The following ADCY5 variants were observed in gnomAD, a reference collection of about 807,000 sequenced individuals.
The protein encoded by ADCY5 is adenylate cyclase type 5.
In ADCY5, 30 loss-of-function variants were observed where a neutral mutation model predicts 119.7. The ratio of observed to expected loss-of-function variants is 0.25; its 90% CI spans 0.19 to 0.34. The LOEUF is 0.34. Among genes scored for constraint, ADCY5 ranks in the 10% least tolerant of loss-of-function variants. The pLI is 1.00. For missense variants in ADCY5, 1,324 were observed against 1,775.2 expected (o/e 0.75, Z 4.57); for synonymous variants, 753 against 762.2 (o/e 0.99, Z 0.20).
chr3:123,436,337 T>C (rs1197988804), intron 1 of ADCY5, among the ~76,000 whole-genome samples: 4 of 151,408 alleles, frequency 2.6e-5, no homozygotes, highest in Non-Finnish European at 5.9e-5. Context: ...CATACCACTG[T>C]ACTCTAGCCT....
In ADCY5 at chr3:123,285,779, CCTT is replaced by C. The variant is rs1453172368; in HGVS notation, c.3657+903_3657+905del. ...CCTATCTCTAGGCCCATCCTGCTGT[CCTT>C]CTCTCCTTTGCACAGGGATGGAGGT... is the stretch of plus-strand genomic sequence containing the variant. On this transcript the variant is annotated intron_variant, in intron 20 of 20. Transcript: ENST00000462833. Among the ~76,000 whole-genome samples the C allele has an allele frequency of 7.9e-5, 12 of 152,318 alleles. No homozygotes were observed. The South Asian group carries it at 2.3e-3, about 29-fold the overall frequency.
intron 1 of ADCY5, among the ~76,000 whole-genome samples, chr3:123,380,276 G>C (rs1397837276): frequency 6.6e-6 from 1 of 152,210 alleles, no homozygotes; most frequent in Non-Finnish European, 1.5e-5. Flanking sequence ...ACAGGCTTGA[G>C]TAGGGGAAAG....
rs1401792419 is a variant in ADCY5, at chr3:123,447,479, A to T, written c.1067T>A (p.Leu356His). 4 of 1,611,364 alleles carry T rather than the reference A, an allele frequency of 2.5e-6. No individual in the cohort carries two copies. The Admixed American group carries it at 5.0e-5, about 20-fold the overall frequency. The change falls in exon 1 of 21, where the codon CTC becomes CAC. Residue 356 changes from leucine to histidine, a missense_variant. Leu to His is a moderately conservative substitution (Grantham distance 99). This residue lies in a region of ADCY5 where 585 missense variants were observed against 569.9 expected (regional missense o/e 1.03). Transcript: ENST00000462833. ...GATGGCCAGGTGGAGGGCGGACAGG[A>T]GCACCCCGCTGAGCACTGCGGCCCG... ...RMRAAVLSGVLLSALHLAIAL... is the reference protein window; with the variant it reads ...RMRAAVLSGVHLSALHLAIAL...
At position 123,346,685 on chromosome 3, in the gene ADCY5, A is replaced by T. The variant is rs187581669; in HGVS notation, c.1406+1097T>A. ...TGTGTGAGAGAGAGAGATAATTTGC[A>T]CTATTTCACTTAATCACTTTCTTGA... is the stretch of plus-strand genomic sequence containing the variant. On this transcript the variant is annotated intron_variant, in intron 3 of 20. Transcript: ENST00000462833. Among the ~76,000 whole-genome samples, 61 of 145,750 alleles carry T rather than the reference A, an allele frequency of 4.2e-4. 1 individual carries two copies. The highest frequency in any genetic ancestry group is 3.1e-5 in the Non-Finnish European group (2 of 65,260).
At chr3:123,330,741 C>T in intron 5 of ADCY5, 148 bp downstream of exon 5, 1 of 1,089,036 alleles carries the variant, frequency 9.2e-7, no homozygotes, top group Non-Finnish European at 1.3e-6. Flanking sequence ...TGGCACACGC[C>T]AACCCTCAGC....
chr3:123,304,133 C>T lies in ADCY5; in HGVS notation c.2493G>A (p.Lys831=). Reference sequence around the variant, plus strand: ...ACACCCCAACCAGGGTGCTGTTCATCTTGGACCGCACGATCTTCCTGGAGA... The same window carrying T: ...ACACCCCAACCAGGGTGCTGTTCATTTTGGACCGCACGATCTTCCTGGAGA... ...QTLSRKIVRS[K]MNSTLVGVFT... is the part of the protein sequence containing the mutation. The change falls in exon 13 of 21, where the codon AAG becomes AAA. Residue 831 remains lysine (K), a synonymous_variant. Coordinates refer to ENST00000462833, the MANE Select transcript of ADCY5 (RefSeq NM_183357.3). The T allele has an allele frequency of 7.0e-7, 1 of 1,420,346 alleles. No homozygotes were observed. Among genetic ancestry groups the T allele is most frequent in the Non-Finnish European group, 9.4e-7 (1 of 1,058,896 alleles). 88.0% of individuals were successfully genotyped at this position (1,420,346 alleles called of 1,614,324 possible). A position where few individuals can be genotyped will look rare whatever the true frequency, so the allele number is the denominator to read the frequency against.
intron 1 of ADCY5, chr3:123,419,177 C>T: frequency 1.0e-6 from 1 of 985,468 alleles, no homozygotes; most frequent in Non-Finnish European, 1.2e-6. Context: ...GCATCCCCTC[C>T]CCTCATCATG....
chr3:123,417,468 A>G (rs576971683), intron 1 of ADCY5, among the ~76,000 whole-genome samples: 2 of 152,236 alleles, frequency 1.3e-5, no homozygotes, highest in East Asian at 1.9e-4. Flanking sequence ...TGCCCCCAGA[A>G]CTCTGTAACT....
intron 1 of ADCY5, chr3:123,368,116 G>T: frequency 7.7e-7 from 1 of 1,296,208 alleles, no homozygotes; most frequent in Non-Finnish European, 1.0e-6. Context: ...CCAGGGGCCA[G>T]TCTTGTGACT....
At chr3:123,398,659 A>G (rs1168636596) in intron 1 of ADCY5, among the ~76,000 whole-genome samples, 1 of 152,084 alleles carries the variant, frequency 6.6e-6, no homozygotes, top group African/African-American at 2.4e-5. Context: ...CTCCAACCTC[A>G]ACCCTAGGTC....
rs1939134759 is a variant in ADCY5, at chr3:123,291,323, C to T, written c.3117G>A (p.Leu1039=). The change falls in exon 18 of 21, where the codon CTG becomes CTA. Residue 1039 remains leucine, a synonymous_variant. Transcript: ENST00000462833. ...CGTCCTTGGGCAGGATGTTGTGCAG[C>T]AGCCGCCGGTTGTAGGCCTGCAGCT... is the stretch of plus-strand genomic sequence containing the variant. ...MEELQAYNRR[L]LHNILPKDVA... 1 of 1,613,796 alleles carries T rather than the reference C, an allele frequency of 6.2e-7. No homozygotes were observed. The highest frequency in any genetic ancestry group is 8.5e-7 in the Non-Finnish European group (1 of 1,180,044).
At chr3:123,314,156 T>C (rs2108316167) in intron 12 of ADCY5, 79 bp downstream of exon 12, 3 of 1,189,922 alleles carry the variant, frequency 2.5e-6, no homozygotes, top group South Asian at 1.4e-5. Context: ...CCTTCACATT[T>C]TGGGCCCCTG....
intron 1 of ADCY5, among the ~76,000 whole-genome samples, chr3:123,407,765 CAAA>C (rs753730627): frequency 1.5e-5 from 1 of 65,844 alleles, no homozygotes; most frequent in Non-Finnish European, 3.0e-5. Flanking sequence ...GACCCTGTCT[CAAA>C]AAAAAAAAAA....
Position 123,327,323 on chromosome 3 carries a change from C to T in ADCY5, c.1947+295G>A, listed in dbSNP as rs1174210309. On this transcript the variant is annotated intron_variant, in intron 7 of 20. Transcript: ENST00000462833. ...AGGAGAGAGATGGAGATAAAATATA[C>T]GGTATCCACAGACTCCCTTGATGCT... 3.3e-5 allele frequency among the ~76,000 whole-genome samples: 5 copies of T among 152,296 alleles called. No homozygotes were observed. The East Asian group carries it at 5.8e-4, about 18-fold the overall frequency.
At chr3:123,300,583 T>C (rs892102221) in intron 14 of ADCY5, among the ~76,000 whole-genome samples, 2 of 152,220 alleles carry the variant, frequency 1.3e-5, no homozygotes, top group Non-Finnish European at 2.9e-5. Flanking sequence ...CTGGGCTTTG[T>C]GTGCCTCGGG....
At chr3:123,420,506 T>A (rs918939375) in intron 1 of ADCY5, among the ~76,000 whole-genome samples, 4 of 151,804 alleles carry the variant, frequency 2.6e-5, no homozygotes, top group Admixed American at 2.6e-4. Flanking sequence ...AGGTGAGGGG[T>A]GAGTGATCTG....
intron 6 of ADCY5, 90 bp from the exon 7 acceptor site, chr3:123,327,849 G>A (rs1941571052): frequency 1.4e-6 from 2 of 1,463,214 alleles, no homozygotes; most frequent in Non-Finnish European, 9.4e-7. Flanking sequence ...CAATTAGTGG[G>A]TTCACCACAA....
At chr3:123,365,780 G>C (rs1393455537) in intron 1 of ADCY5, among the ~76,000 whole-genome samples, 5 of 152,162 alleles carry the variant, frequency 3.3e-5, no homozygotes, top group African/African-American at 1.2e-4. Flanking sequence ...ATGAGGGGAC[G>C]GTGAATGAAG....
chr3:123,290,069 T>G, intron 18 of ADCY5, 115 bp from the exon 19 acceptor site: 1 of 1,018,958 alleles, frequency 9.8e-7, no homozygotes. Context: ...GTGTCCGCTC[T>G]TCACACAGTG....
Sources: allele counts gnomAD v4.1 joint callset (sites outside exome capture counted in the v4.1 genomes callset), GRCh38; gene constraint gnomAD v4.1.1; regional missense constraint gnomAD v4.1.1; transcripts MANE v1.5; gene names NCBI Gene and HGNC (gene_info 2026-07-23, HGNC 2026-07-21).